Variants in EPB41L2 observed in about 807,000 individuals in gnomAD.
The protein encoded by EPB41L2 is band 4.1-like protein 2.
In EPB41L2, 43 loss-of-function variants were observed where a neutral mutation model predicts 113.0. The ratio of observed to expected loss-of-function variants is 0.38; its 90% CI spans 0.30 to 0.49. The LOEUF (loss-of-function observed/expected upper bound fraction) is 0.49, where lower values mean the gene tolerates loss of function less well. Among genes scored for constraint, EPB41L2 ranks in the 20% least tolerant of loss-of-function variants. EPB41L2 has a pLI of 0.95. For synonymous variants in EPB41L2, 442 were observed against 436.7 expected (o/e 1.01, Z -0.15); for missense variants, 1,147 against 1,223.4 (o/e 0.94, Z 0.93).
intron 11 of EPB41L2, among the ~76,000 whole-genome samples, chr6:130,887,034 T>G (rs1791251488): frequency 6.6e-6 from 1 of 152,100 alleles, no homozygotes; most frequent in Admixed American, 6.5e-5. Flanking sequence ...CAATTATGAT[T>G]TCTACACACC....
chr6:130,878,401 T>C, intron 13 of EPB41L2, 151 bp from the exon 14 acceptor site: 1 of 763,536 alleles, frequency 1.3e-6, no homozygotes, highest in South Asian at 2.1e-5. Flanking sequence ...TCTAAAGCCA[T>C]ATTATTATCT....
At chr6:130,915,081 A>G (rs1583403844) in intron 4 of EPB41L2, among the ~76,000 whole-genome samples, 1 of 151,518 alleles carries the variant, frequency 6.6e-6, no homozygotes, top group African/African-American at 2.4e-5. Flanking sequence ...AGGCGGGCGG[A>G]TCACGAGGTC....
chr6:131,050,289 A>G (rs941690420), intron 1 of EPB41L2, among the ~76,000 whole-genome samples: 1 of 152,198 alleles, frequency 6.6e-6, no homozygotes, highest in Non-Finnish European at 1.5e-5. Context: ...CAGTGAGCCA[A>G]GATTGCGCCA....
chr6:130,878,413 T>C, intron 13 of EPB41L2, 163 bp from the exon 14 acceptor site: 2 of 691,942 alleles, frequency 2.9e-6, no homozygotes, highest in East Asian at 6.2e-5. Flanking sequence ...TTATTATCTA[T>C]GAGTAAGTTC....
chr6:131,058,180 A>G (rs891897687), intron 1 of EPB41L2, among the ~76,000 whole-genome samples: 1 of 146,372 alleles, frequency 6.8e-6, no homozygotes, highest in Non-Finnish European at 1.5e-5. Flanking sequence ...GAGAATATGA[A>G]ATTAGCTCAA....
At position 130,928,198 on chromosome 6, in the gene EPB41L2, GTT is replaced by G. The variant is rs776110821; in HGVS notation, c.706-1491_706-1490del. On this transcript the variant is annotated intron_variant, in intron 3 of 19. Coordinates refer to ENST00000337057, the MANE Select transcript of EPB41L2 (RefSeq NM_001431.4). ...AATAGTCAATTAAATTACTGAGCAT[GTT>G]TAAGATAGATATGTGCTTGTTTGTC... Among the ~76,000 whole-genome samples, 1,296 of 152,328 alleles carry G rather than the reference GTT, an allele frequency of 8.5e-3. 9 individuals carry two copies. The highest frequency in any genetic ancestry group is 0.021 in the South Asian group (100 of 4,826).
At chr6:131,021,168 G>T (rs73774377) in intron 1 of EPB41L2, among the ~76,000 whole-genome samples, 3,969 of 152,224 alleles carry the variant, frequency 0.026, 191 homozygotes, top group African/African-American at 0.091. Context: ...TTAGTGCTGT[G>T]ATCTTTCCAC....
chr6:130,884,471 A>G (rs1562387017), intron 12 of EPB41L2, among the ~76,000 whole-genome samples: 2 of 152,264 alleles, frequency 1.3e-5, no homozygotes, highest in Non-Finnish European at 2.9e-5. Flanking sequence ...AGATCTGAAG[A>G]ATTCAAAGGC....
At chr6:130,894,832 G>C in intron 9 of EPB41L2, 135 bp downstream of exon 9, 1 of 1,010,888 alleles carries the variant, frequency 9.9e-7, no homozygotes, top group Non-Finnish European at 1.4e-6. Flanking sequence ...TTACCATTAA[G>C]AACCCTGACC....
chr6:130,941,548 C>CATTTGATTCAT (rs2128587414), intron 3 of EPB41L2, among the ~76,000 whole-genome samples: 1 of 152,310 alleles, frequency 6.6e-6, no homozygotes, highest in South Asian at 2.1e-4. Flanking sequence ...TGAATTTTGA[C>CATTTGATTCAT]ATTTGATTCA....
chr6:130,895,247 A>C, intron 8 of EPB41L2, 128 bp from the exon 9 acceptor site: 1 of 1,014,978 alleles, frequency 9.9e-7, no homozygotes, highest in Non-Finnish European at 1.4e-6. Flanking sequence ...AAGTTTAGTG[A>C]CAAGTACGCA....
intron 11 of EPB41L2, among the ~76,000 whole-genome samples, chr6:130,889,712 G>C (rs1792154788): frequency 5.9e-5 from 9 of 152,020 alleles, no homozygotes; most frequent in Admixed American, 5.9e-4. Flanking sequence ...TTAATTAAAA[G>C]GTTCAGGAAA....
intron 4 of EPB41L2, among the ~76,000 whole-genome samples, chr6:130,911,202 A>G (rs1471965260): frequency 1.3e-5 from 2 of 152,232 alleles, no homozygotes; most frequent in African/African-American, 4.8e-5. Flanking sequence ...GCCATAAAAA[A>G]GGATGAGTTC....
rs1191115877 is a variant in EPB41L2 at position 130,870,065 on chromosome 6, T to C, written c.2105A>G (p.Glu702Gly). The change falls in exon 15 of 20, where the codon GAA becomes GGA. Residue 702 changes from glutamate (E) to glycine (G), a missense_variant. Coordinates refer to ENST00000337057, the MANE Select transcript of EPB41L2 (RefSeq NM_001431.4). ...EKKRAEVGKD[E>G]RVITEEMNGK... ...ATTCATTTCTTCTGTGATTACTCTT[T>C]CGTCTTTCCCAACCTCTGCCCGCTT... 1.2e-6 allele frequency: 2 copies of C among 1,613,986 alleles called. No individual in the cohort carries two copies. Among genetic ancestry groups the C allele is most frequent in the African/African-American group, 1.3e-5 (1 of 74,916 alleles).
At chr6:131,051,603 G>C (rs1348661097) in intron 1 of EPB41L2, among the ~76,000 whole-genome samples, 4 of 152,150 alleles carry the variant, frequency 2.6e-5, no homozygotes, top group Non-Finnish European at 4.4e-5. Flanking sequence ...AACTGTTACT[G>C]TTTTGGTGGG....
chr6:130,847,866 A>G (rs1293517905), intron 19 of EPB41L2, among the ~76,000 whole-genome samples: 2 of 152,294 alleles, frequency 1.3e-5, no homozygotes, highest in African/African-American at 2.4e-5. Context: ...CTTCTTTTAA[A>G]TAACAAATGA....
At chr6:131,035,139 A>G (rs1793025216) in intron 1 of EPB41L2, among the ~76,000 whole-genome samples, 1 of 152,212 alleles carries the variant, frequency 6.6e-6, no homozygotes, top group African/African-American at 2.4e-5. Flanking sequence ...TAAAACAACC[A>G]ATCTTACACG....
At chr6:131,021,601 C>T (rs147834051) in intron 1 of EPB41L2, among the ~76,000 whole-genome samples, 4,124 of 151,960 alleles carry the variant, frequency 0.027, 174 homozygotes, top group African/African-American at 0.093. Flanking sequence ...GCAGAGGTTG[C>T]AGTGAGCCAA....
intron 1 of EPB41L2, among the ~76,000 whole-genome samples, chr6:130,993,572 G>A (rs1782387471): frequency 1.3e-5 from 2 of 152,200 alleles, no homozygotes; most frequent in South Asian, 2.1e-4. Flanking sequence ...AAGTGTCTCA[G>A]TCTGATGTAA....
Sources: gnomAD v4.1 joint callset for allele counts (sites outside exome capture counted in the v4.1 genomes callset) on GRCh38, gnomAD v4.1.1 for gene constraint, MANE v1.5 for transcripts, NCBI Gene and HGNC (gene_info 2026-07-23, HGNC 2026-07-21) for gene names.